ALDH7A1: variants seen among roughly 807,000 people sequenced by gnomAD.
ALDH7A1 encodes the protein alpha-aminoadipic semialdehyde dehydrogenase.
In ALDH7A1, 63 loss-of-function variants were observed where a neutral mutation model predicts 79.9. The ratio of observed to expected loss-of-function variants is 0.79; its 90% CI spans 0.64 to 0.97. ALDH7A1 has a LOEUF of 0.97. Ranked by LOEUF, ALDH7A1 falls within the 50% of genes least tolerant of loss-of-function variation. ALDH7A1 has a pLI of 0.00. For synonymous variants in ALDH7A1, 240 were observed against 231.2 expected (o/e 1.04, Z -0.34); for missense variants, 627 against 665.2 (o/e 0.94, Z 0.63).
rs750152298 is a variant in ALDH7A1 at position 126,568,251 on chromosome 5, A to C, written c.871+8T>G. 9 of 1,613,886 alleles carry C rather than the reference A, an allele frequency of 5.6e-6. No individual in the cohort carries two copies. In the Admixed American group the frequency reaches 1.5e-4, roughly 27 times the overall value. The stretch of plus-strand genomic sequence containing the variant: ...AATTAAAATCCTCATTAGAAAGCCA[A>C]CACTTACCAAACCTCTCCTGCACCA... On this transcript the variant is annotated splice_region_variant and intron_variant, in intron 9 of 17. Coordinates refer to ENST00000409134, the MANE Select transcript of ALDH7A1 (RefSeq NM_001182.5).
chr5:126,548,980 G>A (rs1360003299), intron 16 of ALDH7A1, among the ~76,000 whole-genome samples: 1 of 149,196 alleles, frequency 6.7e-6, no homozygotes, highest in Admixed American at 6.7e-5. Flanking sequence ...AGGCTGAGGC[G>A]AGAGGAATGC....
chr5:126,550,148 C>T lies in ALDH7A1; in HGVS notation c.1415+48G>A, dbSNP rs376501603. ...ACAGCAGTTTTTTTAAGTCCACTCACCACATAAATCAGACTTATATAAATT... is the reference window on the plus strand; with the variant it reads ...ACAGCAGTTTTTTTAAGTCCACTCATCACATAAATCAGACTTATATAAATT... On this transcript the variant is annotated intron_variant, in intron 15 of 17. Coordinates refer to ENST00000409134, the MANE Select transcript of ALDH7A1 (RefSeq NM_001182.5). 31 of 1,575,644 alleles carry T rather than the reference C, an allele frequency of 2.0e-5. No individual in the cohort carries two copies. In the African/African-American group the frequency reaches 3.8e-4, roughly 19 times the overall value.
chr5:126,563,233 T>C (rs577664829), intron 9 of ALDH7A1, among the ~76,000 whole-genome samples: 3 of 152,360 alleles, frequency 2.0e-5, no homozygotes, highest in African/African-American at 4.8e-5. Context: ...CTTCCAATCT[T>C]TCCTCTGTGC....
chr5:126,575,365 A>T, intron 7 of ALDH7A1, 55 bp downstream of exon 7: 1 of 1,565,270 alleles, frequency 6.4e-7, no homozygotes, highest in Non-Finnish European at 8.8e-7. Flanking sequence ...GGGCCTATCA[A>T]TAACCCTTTC....
chr5:126,580,455 T>C (rs1051253075), intron 5 of ALDH7A1, among the ~76,000 whole-genome samples: 1 of 152,142 alleles, frequency 6.6e-6, no homozygotes. Context: ...ATAAAATTAA[T>C]ATTGGATAAT....
intron 3 of ALDH7A1, among the ~76,000 whole-genome samples, chr5:126,585,169 G>A (rs1384697246): frequency 6.6e-6 from 1 of 152,086 alleles, no homozygotes; most frequent in Non-Finnish European, 1.5e-5. Flanking sequence ...ATGGTGGCAG[G>A]TGCCTGTAAT....
At position 126,595,080 on chromosome 5, in the gene ALDH7A1, G is replaced by C. The variant is rs745385277; in HGVS notation, c.119C>G (p.Ala40Gly). The C allele has an allele frequency of 6.2e-6, 10 of 1,605,748 alleles. No homozygotes were observed. The stretch of plus-strand genomic sequence containing the variant: ...GCGGAGCCCCAGCTCTTTCAGCCAC[G>C]CATACTGGGGCTGATTGATGAGGAG... ...STLLINQPQY[A>G]WLKELGLREE... is the part of the protein sequence containing the mutation. The change falls in exon 1 of 18, where the codon GCG (alanine) becomes GGG (glycine). Residue 40 changes from alanine (A) to glycine (G), a missense_variant. Ala to Gly is a moderately conservative substitution (Grantham distance 60). Coordinates refer to ENST00000409134, the MANE Select transcript of ALDH7A1 (RefSeq NM_001182.5).
At chr5:126,593,231 T>C in intron 2 of ALDH7A1, 120 bp downstream of exon 2, 2 of 1,456,788 alleles carry the variant, frequency 1.4e-6, no homozygotes, top group Non-Finnish European at 1.9e-6. Flanking sequence ...TGTGATTTTA[T>C]ATTATTCTTG....
At chr5:126,549,016 G>A (rs1443824822) in intron 16 of ALDH7A1, among the ~76,000 whole-genome samples, 1 of 144,546 alleles carries the variant, frequency 6.9e-6, no homozygotes, top group African/African-American at 2.6e-5. Context: ...GGTGGCTGCA[G>A]TGAGCTGTGA....
intron 11 of ALDH7A1, among the ~76,000 whole-genome samples, chr5:126,558,884 TTTTAGCTA>T (rs1209339678): frequency 6.6e-6 from 1 of 152,226 alleles, no homozygotes; most frequent in Non-Finnish European, 1.5e-5. Context: ...AAGACTCTAT[TTTTAGCTA>T]TAGTTTAATA....
intron 5 of ALDH7A1, chr5:126,581,186 A>G (rs1366152196): frequency 6.6e-6 from 1 of 151,944 alleles, no homozygotes; most frequent in African/African-American, 2.4e-5. Context: ...TCAGAGTATA[A>G]GATTGGTTCT....
At chr5:126,561,542 T>C (rs535900928) in intron 9 of ALDH7A1, 18 of 153,202 alleles carry the variant, frequency 1.2e-4, no homozygotes, top group African/African-American at 4.3e-4. Context: ...GCACAGATGT[T>C]GCTGGAGAGA....
In ALDH7A1 at chr5:126,575,406, C is replaced by T; in HGVS notation, c.695+14G>A. The T allele has an allele frequency of 6.2e-7, 1 of 1,612,630 alleles. No homozygotes were observed. Among genetic ancestry groups the T allele is most frequent in the Non-Finnish European group, 8.5e-7 (1 of 1,179,248 alleles). ...TATTCCATACCCAGGAAAAAGAAAGCCACATGTACTTACTTTGTGACAGCC... is the reference window on the plus strand; with the variant it reads ...TATTCCATACCCAGGAAAAAGAAAGTCACATGTACTTACTTTGTGACAGCC... On this transcript the variant is annotated intron_variant, in intron 7 of 17. Coordinates refer to ENST00000409134, the MANE Select transcript of ALDH7A1 (RefSeq NM_001182.5).
chr5:126,589,243 G>A (rs962178174), intron 3 of ALDH7A1, among the ~76,000 whole-genome samples: 11 of 151,898 alleles, frequency 7.2e-5, no homozygotes, highest in South Asian at 2.1e-4. Flanking sequence ...CTGCAAGGTC[G>A]GCCTCCCAGG....
intron 7 of ALDH7A1, chr5:126,571,238 G>A: frequency 3.6e-6 from 1 of 281,294 alleles, no homozygotes; most frequent in Non-Finnish European, 6.8e-6. Flanking sequence ...AGCACTTTGG[G>A]AGGCCGAAGC....
At chr5:126,556,660 C>T (rs1363290011) in intron 11 of ALDH7A1, among the ~76,000 whole-genome samples, 1 of 152,206 alleles carries the variant, frequency 6.6e-6, no homozygotes, top group African/African-American at 2.4e-5. Flanking sequence ...CCAGTGAACA[C>T]AGAGCATAGT....
At chr5:126,582,227 G>GTACTATGGCTTA (rs1419829870) in intron 5 of ALDH7A1, 2 of 398,252 alleles carry the variant, frequency 5.0e-6, no homozygotes, top group Admixed American at 4.4e-5. Context: ...TAGTCATGGG[G>GTACTATGGCTTA]GTAGGAGGGA....
At chr5:126,586,262 A>G (rs1226461312) in intron 3 of ALDH7A1, 1 of 152,248 alleles carries the variant, frequency 6.6e-6, no homozygotes, top group African/African-American at 2.4e-5. Flanking sequence ...CTGTAGCATT[A>G]TATCAATCAG....
intron 9 of ALDH7A1, chr5:126,568,050 T>C (rs769107959): frequency 2.0e-5 from 10 of 498,278 alleles, no homozygotes; most frequent in Non-Finnish European, 3.3e-5. Context: ...CCCAAAGTGC[T>C]GGGATTTTCA....
Sources: gnomAD v4.1 joint callset for allele counts (sites outside exome capture counted in the v4.1 genomes callset) on GRCh38, gnomAD v4.1.1 for gene constraint, MANE v1.5 for transcripts, NCBI Gene and HGNC (gene_info 2026-07-23, HGNC 2026-07-21) for gene names.